NTN1: variants seen among roughly 807,000 people sequenced by gnomAD.
NTN1 encodes netrin-1.
In NTN1, 11 loss-of-function variants were observed where a neutral mutation model predicts 54.2. The observed-to-expected ratio is 0.20, with a 90% CI of 0.13 to 0.34. NTN1 has a LOEUF of 0.34. Ranked by LOEUF, NTN1 falls within the 10% of genes least tolerant of loss-of-function variation. The pLI, the probability that NTN1 is intolerant of heterozygous loss-of-function variation, is 1.00. For synonymous variants in NTN1, 371 were observed against 382.0 expected (o/e 0.97, Z 0.33); for missense variants, 740 against 893.1 (o/e 0.83, Z 2.18).
At chr17:9,015,547 G>A in the NTN1 span, among the ~76,000 whole-genome samples, 1 of 152,096 alleles carries the variant, frequency 6.6e-6, no homozygotes, top group African/African-American at 2.4e-5. Context: ...ACAAACATTA[G>A]CCTGTGCCAT....
chr17:9,049,673 G>A (rs1195170323), intron 2 of NTN1, among the ~76,000 whole-genome samples: 1 of 152,240 alleles, frequency 6.6e-6, no homozygotes, highest in Non-Finnish European at 1.5e-5. Context: ...CTGAGGAATT[G>A]TCATAGACTG....
At chr17:9,169,287 A>T (rs1229261319) in intron 3 of NTN1, among the ~76,000 whole-genome samples, 1 of 152,238 alleles carries the variant, frequency 6.6e-6, no homozygotes, top group Non-Finnish European at 1.5e-5. Context: ...AACTTGATAC[A>T]ATAGGACAAT....
chr17:9,117,999 C>T (rs892523147), intron 2 of NTN1, among the ~76,000 whole-genome samples: 4 of 152,122 alleles, frequency 2.6e-5, no homozygotes, highest in South Asian at 2.1e-4. Flanking sequence ...CGCTCAAGAG[C>T]GTAGCTCATG....
chr17:9,087,298 C>G (rs2092092721), intron 2 of NTN1, among the ~76,000 whole-genome samples: 1 of 152,020 alleles, frequency 6.6e-6, no homozygotes. Context: ...CACAGAGAGA[C>G]AGAGAGCTGG....
intron 2 of NTN1, among the ~76,000 whole-genome samples, chr17:9,105,552 C>T (rs2092163053): frequency 6.6e-6 from 1 of 152,068 alleles, no homozygotes; most frequent in South Asian, 2.1e-4. Flanking sequence ...ATGATATTAT[C>T]CCTGGCTCCT....
intron 2 of NTN1, among the ~76,000 whole-genome samples, chr17:9,151,306 G>A (rs980176410): frequency 5.9e-5 from 9 of 152,104 alleles, no homozygotes; most frequent in Admixed American, 2.6e-4. Flanking sequence ...GTTGACAGAA[G>A]GCCCCTTTGT....
chr17:9,076,571 T>A (rs1258325145), intron 2 of NTN1, among the ~76,000 whole-genome samples: 1 of 152,086 alleles, frequency 6.6e-6, no homozygotes, highest in Non-Finnish European at 1.5e-5. Flanking sequence ...GATAGGGGTC[T>A]CTCTATGTTG....
At position 9,221,147 on chromosome 17, in the gene NTN1, T is replaced by TGGGC; in HGVS notation, c.1412-21_1412-20insGGGC. On this transcript the variant is annotated intron_variant, in intron 5 of 6. Coordinates refer to ENST00000173229, the MANE Select transcript of NTN1 (RefSeq NM_004822.3). The surrounding 1 kb of genome is among the most constrained non-coding windows in gnomAD (Gnocchi z 4.5). ...CAGCCTAATTAGTTTTTGTCTGTGC[T>TGGGC]CCCCCCCCACCCCCCTGCAGACTGC... 16 of 1,303,758 alleles carry TGGGC rather than the reference T, an allele frequency of 1.2e-5. No individual in the cohort carries two copies. Among genetic ancestry groups the TGGGC allele is most frequent in the Non-Finnish European group, 1.7e-5 (16 of 952,828 alleles). The allele number at this position is 1,303,758 out of a possible 1,614,324, so 80.8% of individuals were successfully genotyped here. A position where few individuals can be genotyped will look rare whatever the true frequency, so the allele number is the denominator to read the frequency against.
rs1036146186 is a variant in NTN1, at chr17:9,227,002, G to A, written c.1486+5760G>A. Reference sequence around the variant, plus strand: ...ACCAAGCCAAGAGGCTTCCTTGGCGGAGCCCCTCTGCCTCCTCCTGTTCCC... The same window carrying A: ...ACCAAGCCAAGAGGCTTCCTTGGCGAAGCCCCTCTGCCTCCTCCTGTTCCC... On this transcript the variant is annotated intron_variant, in intron 6 of 6. Transcript: ENST00000173229. 8.5e-5 allele frequency among the ~76,000 whole-genome samples: 13 copies of A among 152,148 alleles called. No individual in the cohort carries two copies. In the East Asian group the frequency reaches 2.3e-3, roughly 27 times the overall value.
intron 4 of NTN1, among the ~76,000 whole-genome samples, chr17:9,182,662 G>A (rs2092421913): frequency 6.6e-6 from 1 of 152,306 alleles, no homozygotes; most frequent in South Asian, 2.1e-4. Context: ...CAGGCTCTGT[G>A]TTGCCGCCTC....
chr17:9,166,199 C>T (rs1390089928), intron 3 of NTN1, among the ~76,000 whole-genome samples: 6 of 144,664 alleles, frequency 4.1e-5, no homozygotes, highest in Non-Finnish European at 9.0e-5. Flanking sequence ...CCACCACCAC[C>T]ACCACCACCA....
chr17:9,133,668 A>G (rs1056004327), intron 2 of NTN1, among the ~76,000 whole-genome samples: 1 of 146,500 alleles, frequency 6.8e-6, no homozygotes. Flanking sequence ...GCTCACTGCA[A>G]CCTCCACCTC....
chr17:9,069,821 T>G (rs1464673002), intron 2 of NTN1, among the ~76,000 whole-genome samples: 2 of 152,212 alleles, frequency 1.3e-5, no homozygotes, highest in Non-Finnish European at 2.9e-5. Context: ...TTTCATCTCC[T>G]ATTTGTGATC....
chr17:9,189,265 G>A (rs1904385580), intron 5 of NTN1, among the ~76,000 whole-genome samples: 5 of 152,238 alleles, frequency 3.3e-5, no homozygotes, highest in Admixed American at 3.3e-4. Context: ...GCCCTAGCAA[G>A]CAGCATCACT....
chr17:9,096,139 T>C (rs10852911), intron 2 of NTN1, among the ~76,000 whole-genome samples: 109,519 of 151,900 alleles, frequency 0.72, 39,963 homozygotes, highest in East Asian at 0.96. Flanking sequence ...AACTTTGATA[T>C]GTCCATCAGG....
At chr17:9,012,280 G>A in the NTN1 span, among the ~76,000 whole-genome samples, 1 of 152,090 alleles carries the variant, frequency 6.6e-6, no homozygotes, top group Non-Finnish European at 1.5e-5. Context: ...GGGAGGCCGA[G>A]GTGGGTGGAT....
At chr17:9,022,203 G>T (rs1178916086) in intron 1 of NTN1, 108 bp from the exon 2 acceptor site, 1 of 727,740 alleles carries the variant, frequency 1.4e-6, no homozygotes, top group Non-Finnish European at 1.9e-6. Flanking sequence ...CGGCTGCGGG[G>T]TGGGTGCCCA....
chr17:9,115,316 A>G (rs926531919), intron 2 of NTN1, among the ~76,000 whole-genome samples: 3 of 152,218 alleles, frequency 2.0e-5, no homozygotes, highest in Non-Finnish European at 4.4e-5. Context: ...CAAATAGGCA[A>G]TGGAGGTGGT....
intron 2 of NTN1, among the ~76,000 whole-genome samples, chr17:9,061,240 TCAGTTGAAAATAGAGTGAGGAAGGTGG>T (rs1187957620): frequency 1.3e-5 from 2 of 151,988 alleles, no homozygotes; most frequent in African/African-American, 2.4e-5. Flanking sequence ...AACTTGAGTG[TCAGTTGAAAATAGAGTGAGGAAGGTGG>T]CAGTTGAAAA....
Sources: gnomAD v4.1 joint callset for allele counts (sites outside exome capture counted in the v4.1 genomes callset) on GRCh38, gnomAD v4.1.1 for gene constraint, Gnocchi (gnomAD v3.1) non-coding constraint, MANE v1.5 for transcripts, NCBI Gene and HGNC (gene_info 2026-07-23, HGNC 2026-07-21) for gene names.